Variants in MGAM2 observed in about 807,000 individuals in gnomAD.
MGAM2 encodes the protein maltase-glucoamylase 2 (putative), also known as probable maltase-glucoamylase 2.
Under a neutral mutation model 96.1 loss-of-function variants are expected in MGAM2, and 98 were observed. That is an observed-to-expected ratio of 1.02 (90% confidence interval 0.87 to 1.21). The LOEUF (loss-of-function observed/expected upper bound fraction) is 1.21, where lower values mean the gene tolerates loss of function less well. Among genes scored for constraint, MGAM2 ranks in the 50% most tolerant of loss-of-function variants. The probability of loss-of-function intolerance (pLI) is 0.00; values close to 1 mark genes in which losing one functional copy is unlikely to be tolerated. For synonymous variants in MGAM2, 749 were observed against 414.8 expected, an observed-to-expected ratio of 1.81 and a Z score of -9.79; for missense variants, 2,055 against 1,182.4, an observed-to-expected ratio of 1.74 and a Z score of -10.82.
intron 32 of MGAM2, among the ~76,000 whole-genome samples, chr7:142,180,112 C>T (rs1796494488): frequency 1.3e-5 from 2 of 151,978 alleles, no homozygotes; most frequent in South Asian, 4.2e-4. Flanking sequence ...GGAATTTATT[C>T]ATTTCCTCTA....
At chr7:142,214,743 A>G (rs1797698852) in intron 46 of MGAM2, among the ~76,000 whole-genome samples, 1 of 152,166 alleles carries the variant, frequency 6.6e-6, no homozygotes, top group Non-Finnish European at 1.5e-5. Flanking sequence ...AATCAAAACC[A>G]CAATGAGATA....
chr7:142,112,916 A>G (rs1367484854), intron 1 of MGAM2, among the ~76,000 whole-genome samples: 1 of 152,206 alleles, frequency 6.6e-6, no homozygotes, highest in Non-Finnish European at 1.5e-5. Flanking sequence ...ATAAACCTCA[A>G]TTTTAATCCC....
intron 36 of MGAM2, 48 bp downstream of exon 36, chr7:142,187,882 C>G: frequency 1.5e-6 from 1 of 687,014 alleles, no homozygotes; most frequent in Non-Finnish European, 2.7e-6. Flanking sequence ...CTCAAAGACT[C>G]CAAAAGTTTT....
intron 12 of MGAM2, among the ~76,000 whole-genome samples, chr7:142,141,621 T>A (rs1254005918): frequency 6.6e-6 from 1 of 152,104 alleles, no homozygotes; most frequent in East Asian, 1.9e-4. Context: ...TACCTCAGCC[T>A]CCCGAGTAGC....
At chr7:142,195,010 A>G (rs1211920327) in intron 37 of MGAM2, among the ~76,000 whole-genome samples, 1 of 152,142 alleles carries the variant, frequency 6.6e-6, no homozygotes, top group Non-Finnish European at 1.5e-5. Flanking sequence ...CTGAAAGATA[A>G]ACATCTTTTA....
At chr7:142,120,057 G>A (rs1293751813) in intron 2 of MGAM2, among the ~76,000 whole-genome samples, 1 of 152,194 alleles carries the variant, frequency 6.6e-6, no homozygotes, top group African/African-American at 2.4e-5. Flanking sequence ...TATATAAATT[G>A]TATCTGTTTA....
At chr7:142,157,102 G>A (rs1795757427) in intron 17 of MGAM2, among the ~76,000 whole-genome samples, 1 of 152,132 alleles carries the variant, frequency 6.6e-6, no homozygotes, top group African/African-American at 2.4e-5. Context: ...AAACATTACA[G>A]ATAAAACTGG....
At chr7:142,185,957 C>T (rs1318059852) in intron 34 of MGAM2, 32 bp from the exon 35 acceptor site, 1 of 701,114 alleles carries the variant, frequency 1.4e-6, no homozygotes, top group South Asian at 1.5e-5. Context: ...AGGCTGAGAC[C>T]CCGACAATGA....
At chr7:142,176,107 AAG>A (rs1491530744) in intron 32 of MGAM2, among the ~76,000 whole-genome samples, 14,348 of 150,922 alleles carry the variant, frequency 0.095, 782 homozygotes, top group East Asian at 0.16. Flanking sequence ...AAAAAAAAAA[AAG>A]GGGGGGGCAT....
intron 19 of MGAM2, among the ~76,000 whole-genome samples, chr7:142,158,690 G>A (rs974731791): frequency 6.6e-6 from 1 of 152,098 alleles, no homozygotes; most frequent in Non-Finnish European, 1.5e-5. Flanking sequence ...GCTGGGCTGC[G>A]AAGAGAGAAT....
intron 23 of MGAM2, among the ~76,000 whole-genome samples, chr7:142,162,895 G>A (rs2129087203): frequency 6.6e-6 from 1 of 151,838 alleles, no homozygotes; most frequent in Admixed American, 6.6e-5. Flanking sequence ...TATTTCATTA[G>A]CACAAAGATC....
At chr7:142,139,624 C>T (rs1388699126) in intron 10 of MGAM2, among the ~76,000 whole-genome samples, 1 of 143,730 alleles carries the variant, frequency 7.0e-6, no homozygotes, top group Non-Finnish European at 1.5e-5. Context: ...CGCGCCACTA[C>T]ACTCCAGCCT....
chr7:142,125,411 GTGGACTTTGAAACAA>G (rs1794704297), intron 3 of MGAM2, among the ~76,000 whole-genome samples: 2 of 152,128 alleles, frequency 1.3e-5, no homozygotes, highest in South Asian at 4.1e-4. Context: ...ATAGAGGTCT[GTGGACTTTGAAACAA>G]TTTATGACAA....
intron 47 of MGAM2, among the ~76,000 whole-genome samples, chr7:142,218,890 C>T (rs1797840918): frequency 6.6e-6 from 1 of 151,978 alleles, no homozygotes. Context: ...AGGGTGATTC[C>T]CTAAAGCTGT....
At chr7:142,114,130 CAAAAA>C (rs1330943876) in intron 1 of MGAM2, among the ~76,000 whole-genome samples, 2 of 83,654 alleles carry the variant, frequency 2.4e-5, no homozygotes, top group South Asian at 7.9e-4. Flanking sequence ...GACTCCATCT[CAAAAA>C]AAGAAAGAAA....
Position 142,218,356 on chromosome 7 carries a change from T to C in MGAM2, c.5188-5T>C, listed in dbSNP as rs1288815413. ...TATTCTTTTCTCTTTATAAATTCTT[T>C]ATAGAACATCCTGCAAATCCAGACC... On this transcript the variant is annotated splice_region_variant and splice_polypyrimidine_tract_variant and intron_variant, in intron 46 of 47. Transcript: ENST00000477922. The C allele has an allele frequency of 8.8e-6, 6 of 679,994 alleles. No individual in the cohort carries two copies. The South Asian group carries it at 9.9e-5, about 11-fold the overall frequency. The allele number at this position is 679,994 out of a possible 1,614,324, so 42.1% of individuals were successfully genotyped here. A position where few individuals can be genotyped will look rare whatever the true frequency, so the allele number is the denominator to read the frequency against.
chr7:142,115,099 C>A (rs911260433), intron 1 of MGAM2, among the ~76,000 whole-genome samples: 1 of 152,152 alleles, frequency 6.6e-6, no homozygotes. Flanking sequence ...CACTTGTAGT[C>A]CCAGCTACTC....
intron 3 of MGAM2, among the ~76,000 whole-genome samples, chr7:142,123,135 T>C (rs531970847): frequency 1.7e-4 from 26 of 152,268 alleles, no homozygotes; most frequent in African/African-American, 6.3e-4. Flanking sequence ...AAATTATTTT[T>C]ATGAGATTTA....
At position 142,164,963 on chromosome 7, in the gene MGAM2, C is replaced by A. The variant is rs1250249661; in HGVS notation, c.2592C>A (p.Ile864=). ...TGGACAAACAGCCAGCTAATTTTATCGTCCTACTGAATAATGTTGCCACCT... is the reference window on the plus strand; with the variant it reads ...TGGACAAACAGCCAGCTAATTTTATAGTCCTACTGAATAATGTTGCCACCT... The part of the protein sequence containing the change: ...LGMDKQPANF[I]VLLNNVATSS... Residue 864 remains isoleucine (I), a synonymous_variant, in exon 24 of 48, where the codon ATC becomes ATA. Transcript: ENST00000477922. The A allele has an allele frequency of 1.4e-6, 1 of 702,696 alleles. No homozygotes were observed. The highest frequency in any genetic ancestry group is 2.6e-6 in the Non-Finnish European group (1 of 384,876). 43.5% of individuals were successfully genotyped at this position (702,696 alleles called of 1,614,324 possible).
Sources: gnomAD v4.1 joint callset for allele counts (sites outside exome capture counted in the v4.1 genomes callset) on GRCh38, gnomAD v4.1.1 for gene constraint, MANE v1.5 for transcripts, NCBI Gene and HGNC (gene_info 2026-07-23, HGNC 2026-07-21) for gene names.